NEFH: variants seen among roughly 807,000 people sequenced by gnomAD.
NEFH encodes the protein neurofilament heavy chain, also known as neurofilament heavy polypeptide.
In NEFH, 58 loss-of-function variants were observed where a neutral mutation model predicts 56.6. The ratio of observed to expected loss-of-function variants is 1.03; its 90% CI spans 0.83 to 1.28. NEFH has a LOEUF of 1.28. NEFH is among the 50% of genes most tolerant of loss of function. The pLI is 0.00. For missense variants in NEFH, 1,221 were observed against 1,307.6 expected, an observed-to-expected ratio of 0.93 and a Z score of 1.02; for synonymous variants, 542 against 545.8, an observed-to-expected ratio of 0.99 and a Z score of 0.10.
At position 29,488,973 on chromosome 22, in the gene NEFH, A is replaced by T; in HGVS notation, c.1333A>T (p.Lys445Ter). 6.2e-7 allele frequency: 1 copy of T among 1,614,204 alleles called. No individual in the cohort carries two copies. The highest frequency in any genetic ancestry group is 8.5e-7 in the Non-Finnish European group (1 of 1,180,040). The change falls in exon 4 of 4, where the codon AAA (lysine) becomes TAA (stop). Residue 445 changes from lysine (K) to a stop codon, truncating the protein, a stop_gained. Transcript: ENST00000310624. LOFTEE classifies it low-confidence loss of function (END_TRUNC). The part of the protein sequence containing the change: ...HIKVKSEEKI[K>*]VVEKSEKETV... ...AAAGGTGAAAAGCGAAGAGAAGATC[A>T]AAGTGGTGGAGAAGTCTGAGAAAGA... is the stretch of plus-strand genomic sequence containing the variant.
Position 29,490,709 on chromosome 22 carries a change from G to C in NEFH, c.*6G>C. 1 of 1,614,004 alleles carries C rather than the reference G, an allele frequency of 6.2e-7. No individual in the cohort carries two copies. Among genetic ancestry groups the C allele is most frequent in the Non-Finnish European group, 8.5e-7 (1 of 1,180,018 alleles). ...AGGCCGCCAAGGGGAAGTAAGGCAG[G>C]GAGAAAGGAACATCCGGAACAGCCA... On this transcript the variant is annotated 3_prime_UTR_variant, in exon 4 of 4. Coordinates refer to ENST00000310624, the MANE Select transcript of NEFH (RefSeq NM_021076.4).
intron 1 of NEFH, 151 bp downstream of exon 1, chr22:29,481,296 C>T: frequency 1.3e-6 from 1 of 763,884 alleles, no homozygotes; most frequent in Non-Finnish European, 2.1e-6. Context: ...CTAGTTAAAT[C>T]GCAGTTTTAC....
intron 1 of NEFH, 83 bp from the exon 2 acceptor site, chr22:29,483,286 AAAAAAG>A: frequency 7.7e-7 from 1 of 1,306,664 alleles, no homozygotes; most frequent in South Asian, 1.3e-5. Context: ...CAAAAAAAAA[AAAAAAG>A]AAAAAGAACA....
rs1263003308 is a variant in NEFH, at chr22:29,481,114, G to A, written c.852G>A (p.Gln284=). 8 of 1,531,458 alleles carry A rather than the reference G, an allele frequency of 5.2e-6. No individual in the cohort carries two copies. The highest frequency in any genetic ancestry group is 7.0e-6 in the Non-Finnish European group (8 of 1,145,468). The allele number at this position is 1,531,458 out of a possible 1,614,324, so 94.9% of individuals were successfully genotyped here. A position where few individuals can be genotyped will look rare whatever the true frequency, so the allele number is the denominator to read the frequency against. The change falls in exon 1 of 4, where the codon CAG becomes CAA. Residue 284 remains glutamine, a synonymous_variant. Transcript: ENST00000310624. ...CGCAGCTTGAAGGCCACGCGGTGCA[G>A]AGCACGCTGCAGTCCGAGGAGTGGT... The part of the protein sequence containing the change: ...IRAQLEGHAV[Q]STLQSEEWFR...
Position 29,489,304 on chromosome 22 carries a change from A to T in NEFH, c.1664A>T (p.Lys555Met), listed in dbSNP as rs769631960. ...CCTGAGAAGGCCAAGTCTCCAGCAA[A>T]GGAAGAGGCAAAGTCACCGCCTGAG... is the stretch of plus-strand genomic sequence containing the variant. ...KSPEKAKSPA[K>M]EEAKSPPEAK... Residue 555 changes from lysine to methionine, a missense_variant, in exon 4 of 4, where the codon AAG becomes ATG. By Grantham distance (95) the Lys-to-Met change is moderately conservative. Around this residue, in one of 4 missense-constraint regions of NEFH, gnomAD observed 243 missense variants for 299.1 expected, o/e 0.81. Coordinates refer to ENST00000310624, the MANE Select transcript of NEFH (RefSeq NM_021076.4). 1.9e-6 allele frequency: 3 copies of T among 1,612,354 alleles called. No homozygotes were observed. In the African/African-American group the frequency reaches 4.0e-5, roughly 22 times the overall value.
intron 2 of NEFH, 49 bp downstream of exon 2, chr22:29,483,623 G>C: frequency 6.3e-7 from 1 of 1,591,070 alleles, no homozygotes; most frequent in Non-Finnish European, 8.6e-7. Context: ...TGATTGGGTA[G>C]CCCTGGACAA....
intron 3 of NEFH, among the ~76,000 whole-genome samples, chr22:29,487,022 G>C (rs1479084843): frequency 1.3e-5 from 2 of 152,188 alleles, no homozygotes; most frequent in East Asian, 3.9e-4. Context: ...AAGTGGAGAT[G>C]ATAATAAGGG....
Position 29,490,235 on chromosome 22 carries a change from C to G in NEFH, c.2595C>G (p.Pro865=). The G allele has an allele frequency of 6.2e-7, 1 of 1,610,740 alleles. No homozygotes were observed. Among genetic ancestry groups the G allele is most frequent in the African/African-American group, 1.3e-5 (1 of 74,918 alleles). The part of the protein sequence containing the change: ...EKKDSKKEEA[P]KKEAPKPKVE... ...AGGACAGCAAGAAAGAGGAGGCACCCAAGAAGGAGGCTCCAAAGCCCAAGG... is the reference window on the plus strand; with the variant it reads ...AGGACAGCAAGAAAGAGGAGGCACCGAAGAAGGAGGCTCCAAAGCCCAAGG... Residue 865 remains proline (P), a synonymous_variant, in exon 4 of 4, where the codon CCC becomes CCG. Transcript: ENST00000310624.
chr22:29,486,199 T>C (rs1602968285), intron 3 of NEFH, among the ~76,000 whole-genome samples: 1 of 151,664 alleles, frequency 6.6e-6, no homozygotes, highest in African/African-American at 2.4e-5. Context: ...TTATTTTTTT[T>C]TTTTTAGTAG....
intron 3 of NEFH, 34 bp downstream of exon 3, chr22:29,485,881 A>G: frequency 6.2e-7 from 1 of 1,613,732 alleles, no homozygotes. Context: ...ATGGTGAAGA[A>G]AGCTTGTGTT....
At position 29,483,528 on chromosome 22, in the gene NEFH, G is replaced by A. The variant is rs1401155915; in HGVS notation, c.1037G>A (p.Arg346His). Residue 346 changes from arginine to histidine, a missense_variant, in exon 2 of 4, where the codon CGC becomes CAC. Coordinates refer to ENST00000310624, the MANE Select transcript of NEFH (RefSeq NM_021076.4). The stretch of plus-strand genomic sequence containing the variant: ...ACCAAGGACTCACTGGAGAGGCAGC[G>A]CTCTGAGCTGGAGGACCGTCATCAG... Reference protein sequence around the residue: ...KSTKDSLERQRSELEDRHQAD... With the variant: ...KSTKDSLERQHSELEDRHQAD... The A allele has an allele frequency of 3.7e-6, 6 of 1,613,900 alleles. No individual in the cohort carries two copies. Among genetic ancestry groups the A allele is most frequent in the East Asian group, 2.2e-5 (1 of 44,870 alleles).
chr22:29,483,448 T>G lies in NEFH; in HGVS notation c.957T>G (p.Thr319=), dbSNP rs141928348. ...TGCGCTCAGCGCAGGAGGAGATAAC[T>G]GAGTACCGGCGTCAGCTGCAGGCCA... ...DAMRSAQEEI[T]EYRRQLQART... The change falls in exon 2 of 4, where the codon ACT becomes ACG. Residue 319 remains threonine, a synonymous_variant. Coordinates refer to ENST00000310624, the MANE Select transcript of NEFH (RefSeq NM_021076.4). The G allele has an allele frequency of 2.5e-6, 4 of 1,613,886 alleles. No individual in the cohort carries two copies. The highest frequency in any genetic ancestry group is 3.4e-6 in the Non-Finnish European group (4 of 1,180,020).
rs165734 is a variant in NEFH, at chr22:29,485,839, C to T, written c.1200C>T (p.Ala400=). Residue 400 remains alanine, a synonymous_variant, in exon 3 of 4, where the codon GCC becomes GCT. Coordinates refer to ENST00000310624, the MANE Select transcript of NEFH (RefSeq NM_021076.4). ...NVKMALDIEI[A]AYRKLLEGEE... ...AGATGGCTCTGGATATAGAGATAGC[C>T]GCTTACAGGTGAGACGCACAGGGGC... is the stretch of plus-strand genomic sequence containing the variant. The T allele has an allele frequency of 0.15, 244,016 of 1,613,604 alleles. 19,934 individuals are homozygous for T. Among genetic ancestry groups the T allele is most frequent in the South Asian group, 0.18 (16,178 of 91,074 alleles).
intron 2 of NEFH, among the ~76,000 whole-genome samples, chr22:29,485,387 GCCA>G (rs1292985069): frequency 6.6e-6 from 1 of 152,158 alleles, no homozygotes; most frequent in Non-Finnish European, 1.5e-5. Flanking sequence ...ACAGGCTTGA[GCCA>G]CCACTCCCGG....
rs1217375234 is a variant in NEFH, at chr22:29,489,225, G to C, written c.1585G>C (p.Glu529Gln). Residue 529 changes from glutamate to glutamine, a missense_variant, in exon 4 of 4, where the codon GAG (glutamate) becomes CAG (glutamine). Coordinates refer to ENST00000310624, the MANE Select transcript of NEFH (RefSeq NM_021076.4). The stretch of plus-strand genomic sequence containing the variant: ...AAAGGAAGAGGCAAAGTCACCGGCT[G>C]AGGCCAAGTCCCCAGAGAAGGAGGA... ...PVKEEAKSPA[E>Q]AKSPEKEEAK... 2 of 1,614,186 alleles carry C rather than the reference G, an allele frequency of 1.2e-6. No individual in the cohort carries two copies. The highest frequency in any genetic ancestry group is 1.7e-5 in the Admixed American group (1 of 60,012).
In NEFH at chr22:29,490,741, C is replaced by T. The variant is rs540326728; in HGVS notation, c.*38C>T. The T allele has an allele frequency of 6.2e-7, 1 of 1,613,206 alleles. No individual in the cohort carries two copies. Among genetic ancestry groups the T allele is most frequent in the South Asian group, 1.1e-5 (1 of 91,028 alleles). On this transcript the variant is annotated 3_prime_UTR_variant, in exon 4 of 4. Coordinates refer to ENST00000310624, the MANE Select transcript of NEFH (RefSeq NM_021076.4). Reference sequence around the variant, plus strand: ...GGAACATCCGGAACAGCCAAAGAAACTCAGAAGAGTCCCGGAGCTCAAGGA... The same window carrying T: ...GGAACATCCGGAACAGCCAAAGAAATTCAGAAGAGTCCCGGAGCTCAAGGA...
chr22:29,481,171 G>A, intron 1 of NEFH, 26 bp downstream of exon 1: 3 of 1,431,780 alleles, frequency 2.1e-6, no homozygotes, highest in Non-Finnish European at 1.9e-6. Context: ...GGTGGGGGGA[G>A]GGGCGCCCCT....
intron 3 of NEFH, among the ~76,000 whole-genome samples, chr22:29,487,254 T>G (rs1485923086): frequency 1.3e-5 from 2 of 152,146 alleles, no homozygotes; most frequent in Non-Finnish European, 2.9e-5. Context: ...GCTTCCTACC[T>G]CTTGGCTCTC....
intron 3 of NEFH, among the ~76,000 whole-genome samples, chr22:29,486,645 C>T (rs1460900548): frequency 6.6e-6 from 1 of 151,742 alleles, no homozygotes; most frequent in Non-Finnish European, 1.5e-5. Context: ...GCCTCAGCCT[C>T]CCGAGTAGCT....
Sources: allele counts gnomAD v4.1 joint callset (sites outside exome capture counted in the v4.1 genomes callset), GRCh38; gene constraint gnomAD v4.1.1; regional missense constraint gnomAD v4.1.1; transcripts MANE v1.5; gene names NCBI Gene and HGNC (gene_info 2026-07-23, HGNC 2026-07-21).